Variants in WDR7 observed in about 807,000 individuals in gnomAD.
The protein encoded by WDR7 is WD repeat domain 7.
A neutral mutation model predicts 169.4 loss-of-function variants in WDR7; 46 were observed. That is an observed-to-expected ratio of 0.27 (90% CI 0.21 to 0.35). The LOEUF (loss-of-function observed/expected upper bound fraction) is 0.35, where lower values mean the gene tolerates loss of function less well. WDR7 is among the 10% of genes least tolerant of loss of function. WDR7 has a pLI of 1.00. For missense variants in WDR7, 1,534 were observed against 1,859.3 expected, an observed-to-expected ratio of 0.83 and a Z score of 3.22; for synonymous variants, 612 against 666.8, an observed-to-expected ratio of 0.92 and a Z score of 1.27.
At chr18:56,945,334 A>G (rs2047088873) in intron 25 of WDR7, among the ~76,000 whole-genome samples, 1 of 152,200 alleles carries the variant, frequency 6.6e-6, no homozygotes, top group Non-Finnish European at 1.5e-5. Flanking sequence ...CTATTATGCA[A>G]TTCGTGTCCA....
intron 14 of WDR7, among the ~76,000 whole-genome samples, chr18:56,737,478 A>C (rs1341090151): frequency 6.6e-6 from 1 of 152,164 alleles, no homozygotes; most frequent in Non-Finnish European, 1.5e-5. Context: ...CACCTTATTT[A>C]TAGGGGAAAA....
intron 22 of WDR7, among the ~76,000 whole-genome samples, chr18:56,931,209 G>A (rs1308028771): frequency 2.6e-5 from 4 of 152,062 alleles, no homozygotes; most frequent in African/African-American, 9.7e-5. Flanking sequence ...CAGATAGGTG[G>A]GATCAGATGA....
At chr18:56,822,888 A>G (rs913488957) in intron 20 of WDR7, among the ~76,000 whole-genome samples, 2 of 152,144 alleles carry the variant, frequency 1.3e-5, no homozygotes, top group Non-Finnish European at 2.9e-5. Context: ...TGAGTGAACT[A>G]TGTCATTTCA....
intron 20 of WDR7, among the ~76,000 whole-genome samples, chr18:56,847,212 A>C (rs1008239071): frequency 2.0e-5 from 3 of 152,190 alleles, no homozygotes; most frequent in Non-Finnish European, 4.4e-5. Context: ...ACACCCTAGC[A>C]AAGAACTTGG....
intron 16 of WDR7, among the ~76,000 whole-genome samples, chr18:56,768,179 G>T (rs1025750148): frequency 1.3e-5 from 2 of 152,066 alleles, no homozygotes; most frequent in Admixed American, 1.3e-4. Flanking sequence ...TTTAAAGTTC[G>T]AATACTTTAA....
intron 26 of WDR7, among the ~76,000 whole-genome samples, chr18:57,000,383 C>T (rs552097228): frequency 2.6e-5 from 4 of 152,152 alleles, no homozygotes; most frequent in Admixed American, 6.5e-5. Flanking sequence ...CAATTAAGCA[C>T]GATATAAAAA....
rs116833222 is a variant in WDR7, at chr18:57,004,160, A to G, written c.4165-16585A>G. On this transcript the variant is annotated intron_variant, in intron 26 of 27. Coordinates refer to ENST00000254442, the MANE Select transcript of WDR7 (RefSeq NM_015285.3). ...AGGTTATGGGTGTAGGAGGAGGTAA[A>G]TGAATGTCTCCCTGATTTTAGCTTA... 6.4e-3 allele frequency among the ~76,000 whole-genome samples: 967 copies of G among 152,142 alleles called. 8 individuals are homozygous for G. Among genetic ancestry groups the G allele is most frequent in the African/African-American group, 0.022 (923 of 41,508 alleles).
intron 12 of WDR7, among the ~76,000 whole-genome samples, chr18:56,697,551 A>G (rs2025730588): frequency 2.1e-5 from 1 of 48,604 alleles, no homozygotes; most frequent in South Asian, 1.8e-3. Flanking sequence ...ATTCACTGTG[A>G]AAAACTGCTA....
intron 5 of WDR7, among the ~76,000 whole-genome samples, chr18:56,683,363 C>G (rs2025386164): frequency 6.6e-6 from 1 of 152,114 alleles, no homozygotes; most frequent in African/African-American, 2.4e-5. Context: ...TTGTTGAAAC[C>G]TCTTAATAAC....
chr18:56,907,832 T>A (rs1183159711), intron 21 of WDR7, among the ~76,000 whole-genome samples: 4 of 152,094 alleles, frequency 2.6e-5, no homozygotes, highest in Non-Finnish European at 5.9e-5. Context: ...CTAATCTCAT[T>A]AGTGCCCAGG....
intron 14 of WDR7, among the ~76,000 whole-genome samples, chr18:56,739,464 A>G (rs1204927151): frequency 1.3e-5 from 2 of 152,100 alleles, no homozygotes; most frequent in African/African-American, 4.8e-5. Flanking sequence ...TATACTTTAA[A>G]TTCCACTAGA....
chr18:56,845,015 G>GA (rs553653614), intron 20 of WDR7, among the ~76,000 whole-genome samples: 4 of 152,142 alleles, frequency 2.6e-5, no homozygotes, highest in East Asian at 1.9e-4. Flanking sequence ...TATGTATAGG[G>GA]AAAAAACATA....
At chr18:56,961,590 C>G (rs1008989404) in intron 25 of WDR7, among the ~76,000 whole-genome samples, 1 of 152,204 alleles carries the variant, frequency 6.6e-6, no homozygotes, top group Admixed American at 6.5e-5. Context: ...TTTATTCTTA[C>G]CTTCAGGCCT....
chr18:56,756,673 G>A lies in WDR7; in HGVS notation c.2080G>A (p.Asp694Asn), dbSNP rs1157944672. The change falls in exon 15 of 28, where the codon GAT (aspartate) becomes AAT (asparagine). Residue 694 changes from aspartate to asparagine, a missense_variant. Transcript: ENST00000254442. ...CCCGGACATACATGTGCTATTCTTTGATGTGGAAGCGTTGATTATTCAACT... is the reference window on the plus strand; with the variant it reads ...CCCGGACATACATGTGCTATTCTTTAATGTGGAAGCGTTGATTATTCAACT... Reference protein sequence around the residue: ...TDPDIHVLFFDVEALIIQLLT... With the variant: ...TDPDIHVLFFNVEALIIQLLT... The A allele has an allele frequency of 6.2e-7, 1 of 1,614,096 alleles. No individual in the cohort carries two copies. The highest frequency in any genetic ancestry group is 1.7e-5 in the Admixed American group (1 of 60,004).
Position 57,020,769 on chromosome 18 carries a change from A to C in WDR7, c.4189A>C (p.Ile1397Leu), listed in dbSNP as rs574508992. 2 of 1,614,094 alleles carry C rather than the reference A, an allele frequency of 1.2e-6. No individual in the cohort carries two copies. Among genetic ancestry groups the C allele is most frequent in the South Asian group, 2.2e-5 (2 of 91,090 alleles). ...GACAATCCATGGACACAAGGGACCAATCACTGCAGTGGCTTTTGCTCCTGA... is the reference window on the plus strand; with the variant it reads ...GACAATCCATGGACACAAGGGACCACTCACTGCAGTGGCTTTTGCTCCTGA... ...CQTIHGHKGP[I>L]TAVAFAPDGR... Residue 1397 changes from isoleucine (I) to leucine (L), a missense_variant, in exon 27 of 28, where the codon ATC becomes CTC. Ile to Leu is a conservative substitution (Grantham distance 5, BLOSUM62 2). Transcript: ENST00000254442.
chr18:57,003,768 C>T (rs1402147228), intron 26 of WDR7, among the ~76,000 whole-genome samples: 1 of 151,900 alleles, frequency 6.6e-6, no homozygotes, highest in East Asian at 1.9e-4. Flanking sequence ...AATCACGGGG[C>T]CCTTTATGGT....
At chr18:56,879,870 G>A (rs2046080459) in intron 20 of WDR7, 74 bp from the exon 21 acceptor site, 7 of 1,263,118 alleles carry the variant, frequency 5.5e-6, no homozygotes, top group Non-Finnish European at 7.9e-6. Context: ...GTGCAGTCCT[G>A]AATGTTTTTC....
In WDR7 at chr18:56,691,414, T is replaced by A. The variant is rs1034663269; in HGVS notation, c.863+53T>A. 4.0e-6 allele frequency: 6 copies of A among 1,517,718 alleles called. No homozygotes were observed. The African/African-American group carries it at 7.2e-5, about 18-fold the overall frequency. 94.0% of individuals were successfully genotyped at this position (1,517,718 alleles called of 1,614,324 possible). A position where few individuals can be genotyped will look rare whatever the true frequency, so the allele number is the denominator to read the frequency against. ...GTCATCAAAAGTAAAAGATTCAGAA[T>A]TTAGGGTACAACCTGACTTTAAGAA... On this transcript the variant is annotated intron_variant, in intron 8 of 27. Coordinates refer to ENST00000254442, the MANE Select transcript of WDR7 (RefSeq NM_015285.3).
chr18:56,802,350 A>G (rs1259279991), intron 19 of WDR7, among the ~76,000 whole-genome samples: 1 of 150,958 alleles, frequency 6.6e-6, no homozygotes, highest in African/African-American at 2.4e-5. Context: ...TAACAATAAA[A>G]TTTTTGTTTT....
Sources: allele counts gnomAD v4.1 joint callset (sites outside exome capture counted in the v4.1 genomes callset), GRCh38; gene constraint gnomAD v4.1.1; transcripts MANE v1.5; gene names NCBI Gene and HGNC (gene_info 2026-07-23, HGNC 2026-07-21).